Variants in ARMH3 observed in about 807,000 individuals in gnomAD.
The protein encoded by ARMH3 is armadillo-like helical domain-containing protein 3.
ARMH3 carries 60 observed loss-of-function variants against 99.1 expected under a neutral mutation model. That is an observed-to-expected ratio of 0.61 (90% CI 0.49 to 0.75). ARMH3 has a LOEUF of 0.75. Ranked by LOEUF, ARMH3 falls within the 30% of genes least tolerant of loss-of-function variation. The probability of loss-of-function intolerance (pLI) is 0.00; values close to 1 mark genes in which losing one functional copy is unlikely to be tolerated. For missense variants in ARMH3, 679 were observed against 843.1 expected (o/e 0.81, Z 2.41); for synonymous variants, 285 against 292.8 (o/e 0.97, Z 0.27).
intron 23 of ARMH3, among the ~76,000 whole-genome samples, chr10:101,912,791 TG>T (rs776029722): frequency 4.6e-5 from 7 of 152,198 alleles, no homozygotes; most frequent in Non-Finnish European, 7.3e-5. Flanking sequence ...TATGACAGCT[TG>T]TAGGTTTTGC....
At chr10:101,964,165 T>C (rs933891957) in intron 20 of ARMH3, among the ~76,000 whole-genome samples, 8 of 152,262 alleles carry the variant, frequency 5.3e-5, no homozygotes, top group Admixed American at 4.6e-4. Flanking sequence ...TGTAAGCCAC[T>C]GCGCCCGGCA....
Position 101,847,314 on chromosome 10 carries a change from T to G in ARMH3, c.*214A>C. 1.9e-6 allele frequency: 1 copy of G among 521,042 alleles called. No individual in the cohort carries two copies. Among genetic ancestry groups the G allele is most frequent in the African/African-American group, 1.9e-5 (1 of 52,180 alleles). The allele number at this position is 521,042 out of a possible 1,614,324, so 32.3% of individuals were successfully genotyped here. A position where few individuals can be genotyped will look rare whatever the true frequency, so the allele number is the denominator to read the frequency against. On this transcript the variant is annotated 3_prime_UTR_variant, in exon 26 of 26. Transcript: ENST00000370033. ...CACATTCCTGGAGGCCTCTCCCCAC[T>G]GTGCCCACCCATTCCTCCCCAAATA... is the stretch of plus-strand genomic sequence containing the variant.
At position 101,852,879 on chromosome 10, in the gene ARMH3, CCTTT is replaced by C. The variant is rs992382976; in HGVS notation, c.1861-2991_1861-2988del. On this transcript the variant is annotated intron_variant, in intron 24 of 25. Transcript: ENST00000370033. The stretch of plus-strand genomic sequence containing the variant: ...CGTTGCCACCTCCCCCTTCCGTGGC[CCTTT>C]CTTTTTTTTTTCTTTTTTTGAGACA... Among the ~76,000 whole-genome samples, 8 of 151,688 alleles carry C rather than the reference CCTTT, an allele frequency of 5.3e-5. No homozygotes were observed. In the South Asian group the frequency reaches 8.3e-4, roughly 16 times the overall value.
intron 24 of ARMH3, among the ~76,000 whole-genome samples, chr10:101,880,578 A>G (rs1440610003): frequency 1.3e-5 from 2 of 152,146 alleles, no homozygotes; most frequent in Non-Finnish European, 2.9e-5. Context: ...CTGGCTTCAC[A>G]TTAGTAGCCA....
At chr10:101,862,437 C>T (rs1276430333) in intron 24 of ARMH3, among the ~76,000 whole-genome samples, 5 of 152,082 alleles carry the variant, frequency 3.3e-5, no homozygotes, top group African/African-American at 7.2e-5. Context: ...ATTAGCTGGC[C>T]GTAGTGGCGC....
intron 24 of ARMH3, among the ~76,000 whole-genome samples, chr10:101,872,350 A>T (rs2067150799): frequency 6.6e-6 from 1 of 152,132 alleles, no homozygotes; most frequent in Non-Finnish European, 1.5e-5. Context: ...AAATTTTAAA[A>T]ATAGGTAAAT....
chr10:101,964,580 G>T (rs1274675888), intron 20 of ARMH3, among the ~76,000 whole-genome samples: 2 of 152,130 alleles, frequency 1.3e-5, no homozygotes, highest in Non-Finnish European at 2.9e-5. Flanking sequence ...CAACATAGAT[G>T]AACCTTGAAG....
chr10:102,030,974 G>C (rs1313030169), intron 4 of ARMH3, among the ~76,000 whole-genome samples: 1 of 151,576 alleles, frequency 6.6e-6, no homozygotes, highest in African/African-American at 2.4e-5. Context: ...TTTTAATAGA[G>C]ACAGGTTTTC....
In ARMH3 at chr10:102,025,074, T is replaced by G. The variant is rs1564860302; in HGVS notation, c.507+82A>C. 8 of 1,167,764 alleles carry G rather than the reference T, an allele frequency of 6.9e-6. No individual in the cohort carries two copies. In the East Asian group the frequency reaches 1.4e-4, roughly 21 times the overall value. The allele number at this position is 1,167,764 out of a possible 1,614,324, so 72.3% of individuals were successfully genotyped here. ...TCATTGAGAATATTTCTTCTCTTTT[T>G]CCTTCTATCTTTGGGCTCAAGTATT... On this transcript the variant is annotated intron_variant, in intron 6 of 25. Transcript: ENST00000370033.
At chr10:102,011,833 C>A (rs1370566205) in intron 10 of ARMH3, 50 bp from the exon 11 acceptor site, 1 of 1,492,352 alleles carries the variant, frequency 6.7e-7, no homozygotes, top group South Asian at 1.2e-5. Flanking sequence ...TCAATTATGT[C>A]TTTGTCCTTG....
chr10:101,875,526 T>C (rs899077606), intron 24 of ARMH3, among the ~76,000 whole-genome samples: 6 of 152,144 alleles, frequency 3.9e-5, no homozygotes, highest in Non-Finnish European at 7.4e-5. Flanking sequence ...TTCCCCCCTT[T>C]CTATTTTCAT....
chr10:102,046,522 C>T (rs1189684016), intron 1 of ARMH3, among the ~76,000 whole-genome samples: 2 of 152,040 alleles, frequency 1.3e-5, no homozygotes, highest in East Asian at 3.9e-4. Flanking sequence ...CATGGTAGCA[C>T]ATGCCTGTAA....
intron 23 of ARMH3, among the ~76,000 whole-genome samples, chr10:101,936,194 T>C (rs547296383): frequency 6.1e-4 from 92 of 151,900 alleles, no homozygotes; most frequent in African/African-American, 2.1e-3. Context: ...ATCTTAACTT[T>C]TATAGAAAAG....
At chr10:101,992,434 A>G (rs1258767918) in intron 17 of ARMH3, among the ~76,000 whole-genome samples, 1 of 152,216 alleles carries the variant, frequency 6.6e-6, no homozygotes, top group African/African-American at 2.4e-5. Context: ...TGCCACCTAT[A>G]GAAGCAGCAA....
At chr10:101,963,518 G>A (rs897252229) in intron 20 of ARMH3, among the ~76,000 whole-genome samples, 5 of 152,220 alleles carry the variant, frequency 3.3e-5, no homozygotes, top group South Asian at 2.1e-4. Context: ...TGATCCACCC[G>A]CCTCAGCCCT....
intron 19 of ARMH3, among the ~76,000 whole-genome samples, chr10:101,981,516 C>T (rs1464955663): frequency 6.6e-6 from 1 of 152,162 alleles, no homozygotes; most frequent in Non-Finnish European, 1.5e-5. Flanking sequence ...GTGAATTGAA[C>T]TAAATTTATA....
intron 23 of ARMH3, 143 bp from the exon 24 acceptor site, chr10:101,889,633 T>A: frequency 1.3e-6 from 1 of 750,436 alleles, no homozygotes; most frequent in Non-Finnish European, 2.4e-6. Flanking sequence ...TTATTGAACA[T>A]GAGGTAGTCA....
intron 23 of ARMH3, among the ~76,000 whole-genome samples, chr10:101,909,463 CTTTTTTTTTTT>C (rs61122631): frequency 5.6e-5 from 4 of 71,714 alleles, no homozygotes; most frequent in South Asian, 6.1e-4. Context: ...CAAGCTTCCT[CTTTTTTTTTTT>C]TTTTTTTTTT....
chr10:101,993,635 G>A (rs542681776), intron 16 of ARMH3, 32 bp from the exon 17 acceptor site: 20 of 1,423,368 alleles, frequency 1.4e-5, no homozygotes, highest in South Asian at 3.7e-5. Context: ...AGTAAGAAGC[G>A]AGAGCTATAT....
Sources: gnomAD v4.1 joint callset for allele counts (sites outside exome capture counted in the v4.1 genomes callset) on GRCh38, gnomAD v4.1.1 for gene constraint, MANE v1.5 for transcripts, NCBI Gene and HGNC (gene_info 2026-07-23, HGNC 2026-07-21) for gene names.